Variants in SMARCA2 observed in about 807,000 individuals in gnomAD.
SMARCA2 encodes SWI/SNF related BAF chromatin remodeling complex subunit ATPase 2.
Under a neutral mutation model 199.8 loss-of-function variants are expected in SMARCA2, and 61 were observed. The ratio of observed to expected loss-of-function variants is 0.31; its 90% CI spans 0.25 to 0.38. The LOEUF is 0.38. SMARCA2 is among the 10% of genes least tolerant of loss of function. The pLI is 1.00. For synonymous variants in SMARCA2, 935 were observed against 732.0 expected (o/e 1.28, Z -4.48); for missense variants, 1,344 against 2,012.2 (o/e 0.67, Z 6.35).
At chr9:2,022,187 A>G (rs1287344476) in intron 1 of SMARCA2, 1 of 152,244 alleles carries the variant, frequency 6.6e-6, no homozygotes. Flanking sequence ...AAGGGAATAC[A>G]TGAACAAAGC....
intron 4 of SMARCA2, chr9:2,042,832 A>G (rs1316903934): frequency 6.6e-6 from 1 of 152,164 alleles, no homozygotes; most frequent in African/African-American, 2.4e-5. Flanking sequence ...GAAGAGTGGA[A>G]AGGAGACGTG....
At chr9:2,157,568 C>T (rs965691600) in intron 27 of SMARCA2, 2 of 247,042 alleles carry the variant, frequency 8.1e-6, no homozygotes, top group East Asian at 7.4e-5. Context: ...TGACTTTTCC[C>T]GTTGCACATG....
chr9:2,124,798 C>T (rs1276871104), intron 27 of SMARCA2, among the ~76,000 whole-genome samples: 3 of 152,112 alleles, frequency 2.0e-5, no homozygotes, highest in African/African-American at 7.2e-5. Flanking sequence ...ACACTGAGGC[C>T]CGGGTGACTG....
chr9:2,105,535 T>C (rs1822716700), intron 23 of SMARCA2, among the ~76,000 whole-genome samples: 1 of 152,184 alleles, frequency 6.6e-6, no homozygotes, highest in South Asian at 2.1e-4. Context: ...ATTACAGGCA[T>C]GAAACTTGAT....
At chr9:2,181,479 T>G (rs1827019008) in intron 29 of SMARCA2, 92 bp from the exon 30 acceptor site, 2 of 729,494 alleles carry the variant, frequency 2.7e-6, no homozygotes, top group African/African-American at 3.5e-5. Flanking sequence ...GGAATATAAT[T>G]TACTTTGTTG....
intron 27 of SMARCA2, among the ~76,000 whole-genome samples, chr9:2,142,608 G>A (rs1824518429): frequency 6.6e-6 from 1 of 152,182 alleles, no homozygotes. Flanking sequence ...TTAATAGCCT[G>A]TAGAGTTGAA....
intron 25 of SMARCA2, 128 bp downstream of exon 25, chr9:2,116,177 GT>G: frequency 1.4e-6 from 1 of 699,846 alleles, no homozygotes; most frequent in Non-Finnish European, 2.5e-6. Flanking sequence ...ATAAACTGCT[GT>G]TTTAGATCCC....
At chr9:2,130,014 C>T (rs148469409) in intron 27 of SMARCA2, among the ~76,000 whole-genome samples, 46 of 152,150 alleles carry the variant, frequency 3.0e-4, no homozygotes, top group African/African-American at 1.0e-3. Context: ...CCACCATGCC[C>T]GGCTAATTAT....
Position 2,084,339 on chromosome 9 carries a change from T to C in SMARCA2, c.2526+143T>C. On this transcript the variant is annotated intron_variant, in intron 17 of 33. Transcript: ENST00000349721. The stretch of plus-strand genomic sequence containing the variant: ...TCTAAAATTTTTTCAGAGTTTGATA[T>C]GTTTTGGTCGTGGATTTGATTTCAT... The C allele has an allele frequency of 8.4e-6, 5 of 596,838 alleles. No homozygotes were observed. The South Asian group carries it at 1.1e-4, about 13-fold the overall frequency. 37.0% of individuals were successfully genotyped at this position (596,838 alleles called of 1,614,324 possible).
At position 2,084,108 on chromosome 9, in the gene SMARCA2, C is replaced by T. The variant is rs1821691064; in HGVS notation, c.2438C>T (p.Ser813Phe). 6.2e-7 allele frequency: 1 copy of T among 1,611,466 alleles called. No individual in the cohort carries two copies. Among genetic ancestry groups the T allele is most frequent in the Non-Finnish European group, 8.5e-7 (1 of 1,177,672 alleles). Residue 813 changes from serine (S) to phenylalanine (F), a missense_variant, in exon 17 of 34, where the codon TCC becomes TTC. This residue lies in a region of SMARCA2 where 50 missense variants were observed against 81.6 expected (regional missense o/e 0.61). Coordinates refer to ENST00000349721, the MANE Select transcript of SMARCA2 (RefSeq NM_003070.5). ...SYKGTPAMRR[S>F]LVPQLRSGKF... ...CAGGGTACTCCTGCCATGCGTCGCT[C>T]CCTTGTCCCCCAGCTACGGAGTGGC...
chr9:2,110,432 C>G lies in SMARCA2; in HGVS notation c.3456+15C>G, dbSNP rs762798001. ...ATCCTCATCAGGTCTGCATGTCCCA[C>G]TCAGGTGCCCAGGCCTCCCTCTGGA... On this transcript the variant is annotated intron_variant, in intron 24 of 33. Transcript: ENST00000349721. This position sits in a 1 kb window ranked among gnomAD's most constrained non-coding sequence, Gnocchi z 4.8. 6.4e-7 allele frequency: 1 copy of G among 1,572,080 alleles called. No individual in the cohort carries two copies. The highest frequency in any genetic ancestry group is 1.2e-5 in the South Asian group (1 of 83,992).
At position 2,086,358 on chromosome 9, in the gene SMARCA2, C is replaced by G. The variant is rs1411436400; in HGVS notation, c.2527-471C>G. On this transcript the variant is annotated intron_variant, in intron 17 of 33. Transcript: ENST00000349721. The surrounding 1 kb of genome is among the most constrained non-coding windows in gnomAD (Gnocchi z 4.3). Reference sequence around the variant, plus strand: ...AAAGAAGGCATGGAGCCAAGAATATCTCAGCTGTAGAACCTGCTAGGGCCA... The same window carrying G: ...AAAGAAGGCATGGAGCCAAGAATATGTCAGCTGTAGAACCTGCTAGGGCCA... Among the ~76,000 whole-genome samples the G allele has an allele frequency of 6.6e-6, 1 of 152,204 alleles. No homozygotes were observed. Among genetic ancestry groups the G allele is most frequent in the Non-Finnish European group, 1.5e-5 (1 of 68,034 alleles).
intron 23 of SMARCA2, among the ~76,000 whole-genome samples, chr9:2,105,233 A>AT (rs550498507): frequency 0.053 from 7,832 of 147,170 alleles, 650 homozygotes; most frequent in African/African-American, 0.18. Context: ...GACAAACTTG[A>AT]TTTTTTTTTT....
At position 2,039,728 on chromosome 9, in the gene SMARCA2, C is replaced by T. The variant is rs1171079330; in HGVS notation, c.618C>T (p.Val206=). ...QPLPETLQLA[V]QGKRTLPGLQ... ...TCCCCGAAACGCTGCAGCTTGCAGT[C>T]CAGGGGAAAAGGACGTTGCCTGGCT... is the stretch of plus-strand genomic sequence containing the variant. Residue 206 remains valine (V), a synonymous_variant, in exon 4 of 34, where the codon GTC becomes GTT. Transcript: ENST00000349721. This position sits in a 1 kb window ranked among gnomAD's most constrained non-coding sequence, Gnocchi z 4.8. 1.4e-5 allele frequency: 22 copies of T among 1,613,816 alleles called. No homozygotes were observed. The highest frequency in any genetic ancestry group is 1.3e-5 in the Non-Finnish European group (15 of 1,180,030).
chr9:2,077,769 A>G lies in SMARCA2; in HGVS notation c.2177A>G (p.His726Arg). ...CTCCTAATTAATGGGACCCTAAAGC[A>G]TTACCAGGTAATTGGCATGGTTTCA... Reference protein sequence around the residue: ...SALLINGTLKHYQLQGLEWMV... With the variant: ...SALLINGTLKRYQLQGLEWMV... Residue 726 changes from histidine to arginine, a missense_variant, in exon 14 of 34, where the codon CAT becomes CGT. By Grantham distance (29) the His-to-Arg change is conservative. Coordinates refer to ENST00000349721, the MANE Select transcript of SMARCA2 (RefSeq NM_003070.5). The G allele has an allele frequency of 3.7e-6, 6 of 1,608,468 alleles. No individual in the cohort carries two copies. The highest frequency in any genetic ancestry group is 5.1e-6 in the Non-Finnish European group (6 of 1,177,374).
At chr9:2,172,647 T>A (rs1586789122) in intron 29 of SMARCA2, among the ~76,000 whole-genome samples, 1 of 152,224 alleles carries the variant, frequency 6.6e-6, no homozygotes, top group Middle Eastern at 3.4e-3. Flanking sequence ...AATTTTGATG[T>A]ACTCTTCTAG....
intron 23 of SMARCA2, among the ~76,000 whole-genome samples, chr9:2,107,191 T>C (rs1338075003): frequency 2.0e-5 from 3 of 152,234 alleles, no homozygotes; most frequent in East Asian, 1.9e-4. Flanking sequence ...TGGAAATCTT[T>C]GACAGAAAGG....
chr9:2,160,189 A>C, intron 27 of SMARCA2: 1 of 416,556 alleles, frequency 2.4e-6, no homozygotes, highest in Non-Finnish European at 4.3e-6. Context: ...AGGCAAATGA[A>C]TATTAATGCA....
chr9:2,157,939 T>C (rs1825455191), intron 27 of SMARCA2: 1 of 398,270 alleles, frequency 2.5e-6, no homozygotes, highest in African/African-American at 2.1e-5. Flanking sequence ...TGTGGCTGCT[T>C]CCCGGGTCTG....
Sources: gnomAD v4.1 joint callset for allele counts (sites outside exome capture counted in the v4.1 genomes callset) on GRCh38, gnomAD v4.1.1 for gene constraint, gnomAD v4.1.1 regional missense constraint, Gnocchi (gnomAD v3.1) non-coding constraint, MANE v1.5 for transcripts, NCBI Gene and HGNC (gene_info 2026-07-23, HGNC 2026-07-21) for gene names.